The following RIMS1 variants were observed in gnomAD, a reference collection of about 807,000 sequenced individuals.
The protein encoded by RIMS1 is regulating synaptic membrane exocytosis 1.
In RIMS1, 83 loss-of-function variants were observed where a neutral mutation model predicts 214.1. That is an observed-to-expected ratio of 0.39 (90% CI 0.32 to 0.47). RIMS1 has a LOEUF of 0.47. Ranked by LOEUF, RIMS1 falls within the 20% of genes least tolerant of loss-of-function variation. The pLI is 0.99. For missense variants in RIMS1, 2,050 were observed against 2,161.8 expected (o/e 0.95, Z 1.03); for synonymous variants, 793 against 786.8 (o/e 1.01, Z -0.13).
chr6:72,376,425 A>G (rs1457919185), intron 29 of RIMS1, among the ~76,000 whole-genome samples: 1 of 152,096 alleles, frequency 6.6e-6, no homozygotes, highest in Non-Finnish European at 1.5e-5. Flanking sequence ...TAGGCCCCCA[A>G]GTCTTCTGAA....
intron 1 of RIMS1, among the ~76,000 whole-genome samples, chr6:71,947,911 C>T (rs1264266553): frequency 6.6e-6 from 1 of 151,926 alleles, no homozygotes; most frequent in Non-Finnish European, 1.5e-5. Flanking sequence ...TGTACAGGCA[C>T]TCTAAATTTC....
chr6:71,924,901 C>T (rs377654681), intron 1 of RIMS1, among the ~76,000 whole-genome samples: 30 of 150,704 alleles, frequency 2.0e-4, no homozygotes, highest in African/African-American at 5.1e-4. Flanking sequence ...CATGCTACTT[C>T]GAATATTAAG....
rs2085133807 is a variant in RIMS1, at chr6:72,274,450, C to T, written c.3482+18C>T. Reference sequence around the variant, plus strand: ...AATGACAGGTACTAGTCAACTCCTCCTCACAGACAAGTGGCTTCTAGAAGC... The same window carrying T: ...AATGACAGGTACTAGTCAACTCCTCTTCACAGACAAGTGGCTTCTAGAAGC... On this transcript the variant is annotated intron_variant, in intron 23 of 33. Coordinates refer to ENST00000521978, the MANE Select transcript of RIMS1 (RefSeq NM_014989.7). The T allele has an allele frequency of 6.3e-7, 1 of 1,595,204 alleles. No homozygotes were observed. The highest frequency in any genetic ancestry group is 1.1e-5 in the South Asian group (1 of 90,502).
At chr6:72,180,484 T>C (rs922868713) in intron 5 of RIMS1, among the ~76,000 whole-genome samples, 1 of 152,152 alleles carries the variant, frequency 6.6e-6, no homozygotes, top group African/African-American at 2.4e-5. Flanking sequence ...AGAGGCAATG[T>C]GGAGGAGAAA....
chr6:72,259,439 T>A (rs983759025), intron 18 of RIMS1, among the ~76,000 whole-genome samples: 2 of 152,136 alleles, frequency 1.3e-5, no homozygotes, highest in Admixed American at 1.3e-4. Context: ...TTATTTATTG[T>A]GGGTCACAAT....
chr6:72,110,753 G>C (rs2035909638), intron 4 of RIMS1, among the ~76,000 whole-genome samples: 1 of 152,032 alleles, frequency 6.6e-6, no homozygotes, highest in Admixed American at 6.6e-5. Flanking sequence ...AATAGGAGTG[G>C]TGAGAGAGGG....
intron 2 of RIMS1, among the ~76,000 whole-genome samples, chr6:72,089,327 C>T (rs1835536064): frequency 6.6e-6 from 1 of 152,122 alleles, no homozygotes; most frequent in Admixed American, 6.5e-5. Flanking sequence ...TGCTGTGGCT[C>T]TTGTGGTGGC....
At chr6:72,129,826 A>G (rs1056562283) in intron 4 of RIMS1, among the ~76,000 whole-genome samples, 2 of 152,156 alleles carry the variant, frequency 1.3e-5, no homozygotes, top group African/African-American at 4.8e-5. Flanking sequence ...GCCTGACCAA[A>G]TGGTCTCGAG....
chr6:72,109,739 C>T (rs2035623699), intron 4 of RIMS1, among the ~76,000 whole-genome samples: 1 of 152,162 alleles, frequency 6.6e-6, no homozygotes, highest in South Asian at 2.1e-4. Context: ...GCTTTTGTTG[C>T]CATTGCCTTT....
At chr6:72,235,540 C>T (rs1466776165) in intron 7 of RIMS1, 78 bp from the exon 8 acceptor site, 1 of 907,606 alleles carries the variant, frequency 1.1e-6, no homozygotes, top group Non-Finnish European at 1.8e-6. Flanking sequence ...CCTCTAATGA[C>T]AAGACTTCAT....
intron 6 of RIMS1, among the ~76,000 whole-genome samples, chr6:72,187,912 G>A (rs538047715): frequency 3.9e-5 from 6 of 152,236 alleles, no homozygotes; most frequent in African/African-American, 1.4e-4. Flanking sequence ...GGGTCACAAG[G>A]TGAGGTCCCA....
chr6:72,331,833 G>GAT (rs2096669659), intron 28 of RIMS1, among the ~76,000 whole-genome samples: 2 of 151,766 alleles, frequency 1.3e-5, no homozygotes, highest in South Asian at 4.1e-4. Context: ...GAAAGAATAA[G>GAT]AATCATTTAT....
intron 5 of RIMS1, among the ~76,000 whole-genome samples, chr6:72,180,590 T>C (rs1371182006): frequency 6.6e-6 from 1 of 152,250 alleles, no homozygotes; most frequent in Non-Finnish European, 1.5e-5. Context: ...ACGAATATGA[T>C]CAGATTATTT....
chr6:72,056,158 C>T (rs558192246), intron 2 of RIMS1, among the ~76,000 whole-genome samples: 26 of 152,062 alleles, frequency 1.7e-4, no homozygotes, highest in African/African-American at 4.8e-4. Flanking sequence ...AACTGACACA[C>T]GAACAGAAAA....
At position 72,159,963 on chromosome 6, in the gene RIMS1, C is replaced by G. The variant is rs574012571; in HGVS notation, c.472-19612C>G. On this transcript the variant is annotated intron_variant, in intron 4 of 33. Coordinates refer to ENST00000521978, the MANE Select transcript of RIMS1 (RefSeq NM_014989.7). ...TAGCTTGATGGGGATGGCATTGAAT[C>G]TATAAATTACCTTGGGCAGCAAGGC... Among the ~76,000 whole-genome samples, 425 of 139,410 alleles carry G rather than the reference C, an allele frequency of 3.0e-3. 80 individuals are homozygous for G. The highest frequency in any genetic ancestry group is 5.4e-3 in the Non-Finnish European group (331 of 61,390). 91.5% of individuals were successfully genotyped at this position (139,410 alleles called of 152,430 possible).
At chr6:72,226,039 A>T (rs2060073353) in intron 6 of RIMS1, among the ~76,000 whole-genome samples, 1 of 152,110 alleles carries the variant, frequency 6.6e-6, no homozygotes, top group African/African-American at 2.4e-5. Context: ...TTTCATTGTC[A>T]TTTAATACAG....
At chr6:72,217,118 C>G (rs2056446714) in intron 6 of RIMS1, 1 of 1,528,936 alleles carries the variant, frequency 6.5e-7, no homozygotes, top group South Asian at 1.2e-5. Context: ...TGTGCATTTG[C>G]TGCCATTGCT....
intron 6 of RIMS1, among the ~76,000 whole-genome samples, chr6:72,212,322 A>G (rs1213679214): frequency 2.0e-5 from 3 of 150,834 alleles, no homozygotes; most frequent in Non-Finnish European, 3.0e-5. Flanking sequence ...AGGAATCTAT[A>G]TATAATATAT....
At chr6:72,219,472 A>G (rs536391409) in intron 6 of RIMS1, among the ~76,000 whole-genome samples, 3 of 152,304 alleles carry the variant, frequency 2.0e-5, no homozygotes, top group Admixed American at 1.3e-4. Context: ...AATAAGTTTT[A>G]GAGAAGGTTT....
Sources: gnomAD v4.1 joint callset for allele counts (sites outside exome capture counted in the v4.1 genomes callset) on GRCh38, gnomAD v4.1.1 for gene constraint, MANE v1.5 for transcripts, NCBI Gene and HGNC (gene_info 2026-07-23, HGNC 2026-07-21) for gene names.